SPATA16: variants seen among roughly 807,000 people sequenced by gnomAD.
The protein encoded by SPATA16 is spermatogenesis associated 16, also known as spermatogenesis-associated protein 16.
In SPATA16, 36 loss-of-function variants were observed where a neutral mutation model predicts 63.3. That is an observed-to-expected ratio of 0.57 (90% CI 0.44 to 0.75). SPATA16 has a LOEUF of 0.75. SPATA16 is among the 30% of genes least tolerant of loss of function. The probability of loss-of-function intolerance (pLI) is 0.00; values close to 1 mark genes in which losing one functional copy is unlikely to be tolerated. For missense variants in SPATA16, 646 were observed against 679.3 expected (o/e 0.95, Z 0.54); for synonymous variants, 203 against 216.7 (o/e 0.94, Z 0.56).
At chr3:172,965,347 A>G (rs556537761) in intron 5 of SPATA16, among the ~76,000 whole-genome samples, 8 of 152,298 alleles carry the variant, frequency 5.3e-5, no homozygotes, top group African/African-American at 1.9e-4. Context: ...TTCCAAATAT[A>G]TGAAAGGTTC....
intron 1 of SPATA16, among the ~76,000 whole-genome samples, chr3:173,132,585 T>TAAA (rs1738416891): frequency 1.3e-5 from 2 of 152,178 alleles, no homozygotes; most frequent in South Asian, 4.1e-4. Context: ...TGTGAGAGTG[T>TAAA]AAACAGAGTT....
Position 172,929,433 on chromosome 3 carries a change from A to G in SPATA16, c.1082-3941T>C, listed in dbSNP as rs139944289. Among the ~76,000 whole-genome samples the G allele has an allele frequency of 6.8e-3, 1,032 of 152,294 alleles. 9 individuals are homozygous for G. The highest frequency in any genetic ancestry group is 0.024 in the African/African-American group (983 of 41,570). ...AAACAGTTTTCCCTTCTTCAGAAAT[A>G]TTTTATTGTACTCCAGAAGGCTGAA... On this transcript the variant is annotated intron_variant, in intron 6 of 10. Coordinates refer to ENST00000351008, the MANE Select transcript of SPATA16 (RefSeq NM_031955.6).
At chr3:173,134,658 C>T (rs1291703796) in intron 1 of SPATA16, among the ~76,000 whole-genome samples, 4 of 152,054 alleles carry the variant, frequency 2.6e-5, no homozygotes, top group Non-Finnish European at 5.9e-5. Context: ...TTCCCAGCCT[C>T]CAGAATTGTA....
At chr3:172,978,558 C>T (rs535101602) in intron 4 of SPATA16, among the ~76,000 whole-genome samples, 77 of 152,248 alleles carry the variant, frequency 5.1e-4, no homozygotes, top group African/African-American at 1.8e-3. Context: ...AAGGACAACA[C>T]GCCCTATATT....
rs990814570 is a variant in SPATA16, at chr3:172,892,276, T to C, written c.1588-2584A>G. ...AGTCAGTAGGAATGTTGAATTCTGC[T>C]CTCGGGTTGGCTTCTAACACTGCTC... On this transcript the variant is annotated intron_variant, in intron 10 of 10. Coordinates refer to ENST00000351008, the MANE Select transcript of SPATA16 (RefSeq NM_031955.6). Among the ~76,000 whole-genome samples, 9 of 152,146 alleles carry C rather than the reference T, an allele frequency of 5.9e-5. No individual in the cohort carries two copies. In the East Asian group the frequency reaches 1.5e-3, roughly 26 times the overall value.
At chr3:172,973,965 T>C (rs147102758) in intron 5 of SPATA16, among the ~76,000 whole-genome samples, 53 of 152,300 alleles carry the variant, frequency 3.5e-4, no homozygotes, top group Admixed American at 1.2e-3. Context: ...GAGGTGACAC[T>C]ATTATAGAAT....
At chr3:172,979,088 T>A (rs975768598) in intron 4 of SPATA16, among the ~76,000 whole-genome samples, 1 of 152,046 alleles carries the variant, frequency 6.6e-6, no homozygotes, top group Non-Finnish European at 1.5e-5. Flanking sequence ...ATACAAAAAA[T>A]TAGCCACGTG....
chr3:173,070,604 C>A (rs536432738), intron 2 of SPATA16, among the ~76,000 whole-genome samples: 2 of 152,180 alleles, frequency 1.3e-5, no homozygotes, highest in African/African-American at 4.8e-5. Flanking sequence ...AACTGATAAG[C>A]AAATTCAGCA....
intron 6 of SPATA16, among the ~76,000 whole-genome samples, chr3:172,939,122 A>C (rs907795522): frequency 6.6e-6 from 1 of 151,996 alleles, no homozygotes; most frequent in Non-Finnish European, 1.5e-5. Context: ...TATACTCTCC[A>C]TGCATTATGA....
chr3:173,043,939 TC>T (rs1177942003), intron 3 of SPATA16, among the ~76,000 whole-genome samples: 2 of 152,136 alleles, frequency 1.3e-5, no homozygotes, highest in Admixed American at 1.3e-4. Flanking sequence ...TATTTTGGCA[TC>T]CATATTTCTG....
intron 3 of SPATA16, among the ~76,000 whole-genome samples, chr3:173,035,007 A>C (rs1735682920): frequency 6.6e-6 from 1 of 152,152 alleles, no homozygotes; most frequent in African/African-American, 2.4e-5. Flanking sequence ...GACTTGCACC[A>C]AATAGAGTGT....
intron 6 of SPATA16, among the ~76,000 whole-genome samples, chr3:172,950,317 T>C (rs1242029575): frequency 1.3e-5 from 2 of 152,186 alleles, no homozygotes; most frequent in East Asian, 1.9e-4. Context: ...ATACTTCCCA[T>C]TGGGAAGATC....
intron 2 of SPATA16, among the ~76,000 whole-genome samples, chr3:173,111,718 ACCCC>A (rs941328364): frequency 5.3e-5 from 8 of 152,006 alleles, no homozygotes; most frequent in African/African-American, 1.4e-4. Context: ...CATTAAATAA[ACCCC>A]CTTGAATGGG....
At chr3:173,099,517 A>G (rs1737441241) in intron 2 of SPATA16, among the ~76,000 whole-genome samples, 1 of 152,158 alleles carries the variant, frequency 6.6e-6, no homozygotes, top group Admixed American at 6.5e-5. Context: ...AGACTACCGT[A>G]CTATTATATT....
chr3:173,071,890 G>T (rs13315291), intron 2 of SPATA16, among the ~76,000 whole-genome samples: 1 of 152,024 alleles, frequency 6.6e-6, no homozygotes, highest in Non-Finnish European at 1.5e-5. Context: ...AGTGAGAATG[G>T]CAATTTTTAA....
chr3:172,935,438 G>GA (rs1732962209), intron 6 of SPATA16, among the ~76,000 whole-genome samples: 1 of 152,024 alleles, frequency 6.6e-6, no homozygotes, highest in Non-Finnish European at 1.5e-5. Context: ...ATCCATAATA[G>GA]AAAAAACATA....
intron 4 of SPATA16, among the ~76,000 whole-genome samples, chr3:172,989,804 A>G (rs1003238989): frequency 6.6e-6 from 1 of 152,150 alleles, no homozygotes; most frequent in Non-Finnish European, 1.5e-5. Context: ...TTATACCCCA[A>G]TAGGCTTATT....
intron 2 of SPATA16, among the ~76,000 whole-genome samples, chr3:173,070,581 A>G (rs1418640993): frequency 6.6e-6 from 1 of 152,168 alleles, no homozygotes; most frequent in East Asian, 1.9e-4. Context: ...AGATGCCACC[A>G]AAAAACTGTT....
chr3:172,971,300 T>C (rs759167813), intron 5 of SPATA16, among the ~76,000 whole-genome samples: 14 of 152,242 alleles, frequency 9.2e-5, no homozygotes, highest in Non-Finnish European at 1.8e-4. Context: ...AAAATGTTCA[T>C]TGGATTCATA....
Sources: gnomAD v4.1 joint callset for allele counts (sites outside exome capture counted in the v4.1 genomes callset) on GRCh38, gnomAD v4.1.1 for gene constraint, MANE v1.5 for transcripts, NCBI Gene and HGNC (gene_info 2026-07-23, HGNC 2026-07-21) for gene names.